Variants in TARS3 observed in about 807,000 individuals in gnomAD.
The protein encoded by TARS3 is threonyl-tRNA synthetase 3, also known as threonine--tRNA ligase 2, cytoplasmic.
A neutral mutation model predicts 103.5 loss-of-function variants in TARS3; 94 were observed. The ratio of observed to expected loss-of-function variants is 0.91; its 90% CI spans 0.77 to 1.08. TARS3 has a LOEUF of 1.08. Ranked by LOEUF, TARS3 falls within the 50% of genes least tolerant of loss-of-function variation. TARS3 has a pLI of 0.00. For synonymous variants in TARS3, 416 were observed against 355.4 expected, an observed-to-expected ratio of 1.17 and a Z score of -1.92; for missense variants, 952 against 995.2, an observed-to-expected ratio of 0.96 and a Z score of 0.58.
At chr15:101,708,257 G>GAAAAAAAAAAAAAAAAAAAAAAAAAACA (rs1899672809) in intron 6 of TARS3, among the ~76,000 whole-genome samples, 1 of 48,602 alleles carries the variant, frequency 2.1e-5, no homozygotes, top group Non-Finnish European at 3.4e-5. Context: ...GACTCTGTCT[G>GAAAAAAAAAAAAAAAAAAAAAAAAAACA]AAAAAAAAAA....
chr15:101,717,385 A>C (rs1488756932), intron 3 of TARS3, among the ~76,000 whole-genome samples: 2 of 152,222 alleles, frequency 1.3e-5, no homozygotes, highest in African/African-American at 4.8e-5. Context: ...AGAACTTAAT[A>C]AATGTTAGAT....
chr15:101,712,030 G>A, intron 4 of TARS3, 29 bp from the exon 5 acceptor site: 5 of 1,588,304 alleles, frequency 3.1e-6, no homozygotes, highest in Non-Finnish European at 4.3e-6. Context: ...GAGGCCATTA[G>A]CTACCAAAAG....
Position 101,684,140 on chromosome 15 carries a change from T to C in TARS3, c.1585A>G (p.Ser529Gly), listed in dbSNP as rs746721347. ...AAGCGCCTCACTCTGGTCAAGCCGC[T>C]GAGAGTCCCCGACAGTTCATTTCTA... Reference protein sequence around the residue: ...LHRNELSGTLSGLTRVRRFQQ... With the variant: ...LHRNELSGTLGGLTRVRRFQQ... Residue 529 changes from serine to glycine, a missense_variant, in exon 12 of 19, where the codon AGC becomes GGC. Physicochemically the swap from Ser to Gly is moderately conservative, Grantham distance 56. Coordinates refer to ENST00000335968, the MANE Select transcript of TARS3 (RefSeq NM_152334.3). The C allele has an allele frequency of 6.2e-7, 1 of 1,614,062 alleles. No homozygotes were observed.
At position 101,705,651 on chromosome 15, in the gene TARS3, C is replaced by T. The variant is rs776472824; in HGVS notation, c.995+32G>A. 10 of 1,593,096 alleles carry T rather than the reference C, an allele frequency of 6.3e-6. No homozygotes were observed. In the South Asian group the frequency reaches 1.0e-4, roughly 16 times the overall value. On this transcript the variant is annotated intron_variant, in intron 7 of 18. Coordinates refer to ENST00000335968, the MANE Select transcript of TARS3 (RefSeq NM_152334.3). The stretch of plus-strand genomic sequence containing the variant: ...ACTGCTAACACCTTCAAGTTTACCA[C>T]TGAGCAGCGTTTACCATGTGTGGAC...
chr15:101,669,007 G>A (rs563081383), intron 15 of TARS3, among the ~76,000 whole-genome samples: 19 of 152,222 alleles, frequency 1.2e-4, no homozygotes, highest in African/African-American at 4.6e-4. Flanking sequence ...AAAGTTAGCT[G>A]TAAAACAGCC....
intron 16 of TARS3, among the ~76,000 whole-genome samples, 155 bp downstream of exon 16, chr15:101,661,557 T>A (rs538034266): frequency 6.6e-6 from 1 of 152,278 alleles, no homozygotes; most frequent in South Asian, 2.1e-4. Context: ...AATTGCTAAT[T>A]ACAAGGCAGG....
chr15:101,701,490 C>CAGGAGGTGGGCTTT (rs1899274860), intron 9 of TARS3, among the ~76,000 whole-genome samples: 1 of 152,204 alleles, frequency 6.6e-6, no homozygotes, highest in Non-Finnish European at 1.5e-5. Flanking sequence ...AAGTTCATTG[C>CAGGAGGTGGGCTTT]AGGAGGTGGG....
rs571318987 is a variant in TARS3 at position 101,705,167 on chromosome 15, T to C, written c.995+516A>G. Among the ~76,000 whole-genome samples, 10 of 152,346 alleles carry C rather than the reference T, an allele frequency of 6.6e-5. No homozygotes were observed. The East Asian group carries it at 1.9e-3, about 29-fold the overall frequency. ...TGAACAGAGCTAAGTGATTCTGGTA[T>C]TAACTTCACTTGTCTCCTCTTACAT... On this transcript the variant is annotated intron_variant, in intron 7 of 18. Transcript: ENST00000335968.
Position 101,708,262 on chromosome 15 carries a change from A to G in TARS3, c.930+531T>C, listed in dbSNP as rs866210883. 5.9e-3 allele frequency among the ~76,000 whole-genome samples: 669 copies of G among 112,508 alleles called. 5 individuals are homozygous for G. The highest frequency in any genetic ancestry group is 0.011 in the Non-Finnish European group (537 of 47,156). 73.8% of individuals were successfully genotyped at this position (112,508 alleles called of 152,430 possible). ...GGCAAAGAGAGACTCTGTCTGAAAA[A>G]AAAAAAAAAAAAAAAAAAAAAAACC... On this transcript the variant is annotated intron_variant, in intron 6 of 18. Coordinates refer to ENST00000335968, the MANE Select transcript of TARS3 (RefSeq NM_152334.3).
intron 16 of TARS3, among the ~76,000 whole-genome samples, chr15:101,660,630 C>A (rs773215838): frequency 6.6e-6 from 1 of 152,190 alleles, no homozygotes; most frequent in African/African-American, 2.4e-5. Context: ...ACGTAATCAA[C>A]CTGCTACAAG....
chr15:101,682,369 T>C (rs999416612), intron 12 of TARS3, among the ~76,000 whole-genome samples: 1 of 152,176 alleles, frequency 6.6e-6, no homozygotes, highest in East Asian at 1.9e-4. Flanking sequence ...TTTCCCTGCA[T>C]CTACTGAGAA....
chr15:101,685,115 G>A (rs181382102), intron 11 of TARS3, among the ~76,000 whole-genome samples: 27 of 152,192 alleles, frequency 1.8e-4, no homozygotes, highest in Admixed American at 1.7e-3. Flanking sequence ...TCACTTAAAA[G>A]GGCAAAGAGC....
At chr15:101,675,761 T>G (rs373343501) in intron 12 of TARS3, 24 bp from the exon 13 acceptor site, 1 of 1,595,712 alleles carries the variant, frequency 6.3e-7, no homozygotes, top group East Asian at 2.2e-5. Flanking sequence ...AAATGAAACA[T>G]TCAAATAGAA....
chr15:101,665,763 A>G (rs1341810553), intron 15 of TARS3, among the ~76,000 whole-genome samples: 3 of 152,232 alleles, frequency 2.0e-5, no homozygotes, highest in Non-Finnish European at 4.4e-5. Context: ...TTTCACCCAG[A>G]TTGAAGTTTT....
intron 10 of TARS3, among the ~76,000 whole-genome samples, chr15:101,697,393 G>A (rs1001334495): frequency 2.0e-5 from 3 of 152,158 alleles, no homozygotes; most frequent in Non-Finnish European, 4.4e-5. Flanking sequence ...AAAACAGAAA[G>A]GGTACCCAAA....
At chr15:101,706,980 CA>C (rs1899597960) in intron 6 of TARS3, among the ~76,000 whole-genome samples, 1 of 151,968 alleles carries the variant, frequency 6.6e-6, no homozygotes, top group South Asian at 2.1e-4. Context: ...AACTCAAATA[CA>C]AAAAAACCTA....
At chr15:101,693,734 G>C (rs560583852) in intron 10 of TARS3, among the ~76,000 whole-genome samples, 5 of 152,172 alleles carry the variant, frequency 3.3e-5, no homozygotes, top group Admixed American at 1.3e-4. Context: ...GCAGAGGCCC[G>C]CTGGGGACAC....
Position 101,658,197 on chromosome 15 carries a change from T to G in TARS3, c.2073-340A>C, listed in dbSNP as rs533518680. On this transcript the variant is annotated intron_variant, in intron 16 of 18. Coordinates refer to ENST00000335968, the MANE Select transcript of TARS3 (RefSeq NM_152334.3). The stretch of plus-strand genomic sequence containing the variant: ...ACACAATACTGCTCACTAACGTCCA[T>G]AGCAGCTTTATTTATAATAGCCCCA... 3.3e-5 allele frequency among the ~76,000 whole-genome samples: 5 copies of G among 151,018 alleles called. No individual in the cohort carries two copies. In the East Asian group the frequency reaches 5.9e-4, roughly 18 times the overall value.
intron 10 of TARS3, chr15:101,695,729 C>A (rs1898941988): frequency 6.6e-6 from 1 of 151,724 alleles, no homozygotes. Flanking sequence ...ATGGAGAAAC[C>A]CCATCTGTAC....
Sources: gnomAD v4.1 joint callset for allele counts (sites outside exome capture counted in the v4.1 genomes callset) on GRCh38, gnomAD v4.1.1 for gene constraint, MANE v1.5 for transcripts, NCBI Gene and HGNC (gene_info 2026-07-23, HGNC 2026-07-21) for gene names.